ABCB1: variants seen among roughly 807,000 people sequenced by gnomAD.
The protein encoded by ABCB1 is ATP-dependent translocase ABCB1.
A neutral mutation model predicts 142.0 loss-of-function variants in ABCB1; 69 were observed. That is an observed-to-expected ratio of 0.49 (90% CI 0.40 to 0.59). ABCB1 has a LOEUF of 0.59. Among genes scored for constraint, ABCB1 ranks in the 20% least tolerant of loss-of-function variants. The probability of loss-of-function intolerance (pLI) is 0.00; values close to 1 mark genes in which losing one functional copy is unlikely to be tolerated. For missense variants in ABCB1, 1,326 were observed against 1,554.7 expected (o/e 0.85, Z 2.47); for synonymous variants, 532 against 539.2 (o/e 0.99, Z 0.18).
chr7:87,564,475 T>C (rs1210197240), intron 7 of ABCB1, among the ~76,000 whole-genome samples: 3 of 152,158 alleles, frequency 2.0e-5, no homozygotes, highest in African/African-American at 7.2e-5. Context: ...CTCTGGGCGC[T>C]GGGAAGACAG....
intron 13 of ABCB1, 114 bp downstream of exon 13, chr7:87,549,737 C>T (rs1584870757): frequency 4.3e-6 from 6 of 1,394,688 alleles, no homozygotes; most frequent in Non-Finnish European, 6.1e-6. Flanking sequence ...ATCTTACTTT[C>T]CCTTCTTAGG....
intron 20 of ABCB1, among the ~76,000 whole-genome samples, chr7:87,535,550 G>A (rs1816251824): frequency 6.6e-6 from 1 of 152,012 alleles, no homozygotes; most frequent in Non-Finnish European, 1.5e-5. Flanking sequence ...TTTAGGCAAA[G>A]AAGTTTGTAT....
intron 3 of ABCB1, among the ~76,000 whole-genome samples, chr7:87,591,382 T>C (rs1206665675): frequency 6.6e-6 from 1 of 152,046 alleles, no homozygotes; most frequent in Non-Finnish European, 1.5e-5. Context: ...CAATAGGAAA[T>C]GAATACACAA....
intron 1 of ABCB1, among the ~76,000 whole-genome samples, chr7:87,647,821 T>G (rs1364103120): frequency 6.6e-6 from 1 of 152,136 alleles, no homozygotes; most frequent in Non-Finnish European, 1.5e-5. Context: ...TTTGTCCCTA[T>G]GCATCTGAAA....
chr7:87,657,046 A>G (rs1824175180), intron 1 of ABCB1, among the ~76,000 whole-genome samples: 1 of 152,176 alleles, frequency 6.6e-6, no homozygotes, highest in Non-Finnish European at 1.5e-5. Context: ...GGGAAGATGA[A>G]CATGACATAC....
chr7:87,707,994 T>C (rs926006898), intron 1 of ABCB1, among the ~76,000 whole-genome samples: 3 of 152,068 alleles, frequency 2.0e-5, no homozygotes, highest in African/African-American at 7.2e-5. Flanking sequence ...AATGAAAATA[T>C]AACATATAAA....
At chr7:87,504,721 T>C (rs559685829) in intron 27 of ABCB1, among the ~76,000 whole-genome samples, 16 of 150,300 alleles carry the variant, frequency 1.1e-4, no homozygotes, top group Admixed American at 6.0e-4. Context: ...AGGAGAATGG[T>C]GTGAACCCGG....
intron 1 of ABCB1, among the ~76,000 whole-genome samples, chr7:87,629,598 T>C (rs1489147232): frequency 2.0e-5 from 3 of 152,184 alleles, no homozygotes; most frequent in Non-Finnish European, 4.4e-5. Context: ...GTAAATGTAG[T>C]ATTTCCTTCA....
At chr7:87,674,968 T>C (rs1245913165) in intron 1 of ABCB1, among the ~76,000 whole-genome samples, 1 of 152,182 alleles carries the variant, frequency 6.6e-6, no homozygotes. Context: ...CAAGCCCTCT[T>C]GGTTTTGCAC....
At chr7:87,666,071 A>G (rs1298326313) in intron 1 of ABCB1, among the ~76,000 whole-genome samples, 2 of 152,052 alleles carry the variant, frequency 1.3e-5, no homozygotes, top group African/African-American at 4.8e-5. Flanking sequence ...GTCTTCCACA[A>G]TGACTGATGA....
chr7:87,624,182 T>C (rs1820326689), intron 1 of ABCB1, among the ~76,000 whole-genome samples: 1 of 152,278 alleles, frequency 6.6e-6, no homozygotes, highest in African/African-American at 2.4e-5. Context: ...ATAAGCGTGA[T>C]GATTGAGCTT....
chr7:87,696,149 T>C (rs1388149436), intron 1 of ABCB1, among the ~76,000 whole-genome samples: 5 of 152,170 alleles, frequency 3.3e-5, no homozygotes, highest in African/African-American at 1.2e-4. Context: ...ATTGTATACC[T>C]ATATTCATTG....
chr7:87,618,706 T>C (rs1267640373), intron 1 of ABCB1, among the ~76,000 whole-genome samples: 1 of 152,238 alleles, frequency 6.6e-6, no homozygotes, highest in Non-Finnish European at 1.5e-5. Flanking sequence ...TTAAGGTTAC[T>C]AATCAGTTGA....
Position 87,575,414 on chromosome 7 carries a change from T to G in ABCB1, c.287-5191A>C, listed in dbSNP as rs1818232519. Among the ~76,000 whole-genome samples, 3 of 152,260 alleles carry G rather than the reference T, an allele frequency of 2.0e-5. No homozygotes were observed. The South Asian group carries it at 6.2e-4, about 32-fold the overall frequency. ...AACCCAGAATGAGAGCCACTTTCTCTAATATCATCGGATTTCTGTTCAAGT... is the reference window on the plus strand; with the variant it reads ...AACCCAGAATGAGAGCCACTTTCTCGAATATCATCGGATTTCTGTTCAAGT... On this transcript the variant is annotated intron_variant, in intron 4 of 27. Transcript: ENST00000622132.
chr7:87,698,972 G>A (rs1026495874), intron 1 of ABCB1, among the ~76,000 whole-genome samples: 5 of 151,998 alleles, frequency 3.3e-5, no homozygotes, highest in African/African-American at 1.2e-4. Flanking sequence ...ACTAGGGGGC[G>A]ATTTTTAAAA....
intron 7 of ABCB1, among the ~76,000 whole-genome samples, chr7:87,562,509 C>T (rs1817601887): frequency 6.6e-6 from 1 of 152,070 alleles, no homozygotes; most frequent in South Asian, 2.1e-4. Context: ...CCTCATGGTG[C>T]CACAACAATT....
intron 1 of ABCB1, among the ~76,000 whole-genome samples, chr7:87,701,151 A>G (rs964875434): frequency 5.3e-5 from 8 of 152,336 alleles, no homozygotes; most frequent in Non-Finnish European, 7.4e-5. Flanking sequence ...CACTTGTACA[A>G]TTCTTTGAAT....
chr7:87,607,412 T>G (rs1384120629), intron 1 of ABCB1, among the ~76,000 whole-genome samples: 2 of 152,214 alleles, frequency 1.3e-5, no homozygotes, highest in Non-Finnish European at 2.9e-5. Flanking sequence ...GCACATACTA[T>G]GTGCTCAATT....
intron 7 of ABCB1, chr7:87,565,579 A>G (rs1000377722): frequency 1.1e-5 from 4 of 378,750 alleles, no homozygotes; most frequent in East Asian, 1.5e-4. Context: ...TTGAATGCTG[A>G]CAAAACTGTA....
Sources: gnomAD v4.1 joint callset for allele counts (sites outside exome capture counted in the v4.1 genomes callset) on GRCh38, gnomAD v4.1.1 for gene constraint, MANE v1.5 for transcripts, NCBI Gene and HGNC (gene_info 2026-07-23, HGNC 2026-07-21) for gene names.